The following RIMS2 variants were observed in gnomAD, a reference collection of about 807,000 sequenced individuals.
RIMS2 encodes the protein regulating synaptic membrane exocytosis 2.
In RIMS2, 59 loss-of-function variants were observed where a neutral mutation model predicts 174.4. The observed-to-expected ratio is 0.34, with a 90% CI of 0.27 to 0.42. The LOEUF (loss-of-function observed/expected upper bound fraction) is 0.42, where lower values mean the gene tolerates loss of function less well. Among genes scored for constraint, RIMS2 ranks in the 10% least tolerant of loss-of-function variants. RIMS2 has a pLI of 1.00. For synonymous variants in RIMS2, 606 were observed against 572.5 expected, an observed-to-expected ratio of 1.06 and a Z score of -0.84; for missense variants, 1,620 against 1,666.3, an observed-to-expected ratio of 0.97 and a Z score of 0.48.
chr8:103,744,652 G>A (rs1309534027), intron 2 of RIMS2, among the ~76,000 whole-genome samples: 1 of 152,152 alleles, frequency 6.6e-6, no homozygotes, highest in Non-Finnish European at 1.5e-5. Context: ...TGCATCCTGT[G>A]CCTCTATGCC....
At chr8:103,646,015 C>T (rs941953200) in intron 1 of RIMS2, among the ~76,000 whole-genome samples, 2 of 151,828 alleles carry the variant, frequency 1.3e-5, no homozygotes, top group African/African-American at 4.8e-5. Context: ...AGGAAAATTA[C>T]AGTCAAAGGG....
At position 104,206,320 on chromosome 8, in the gene RIMS2, C is replaced by G. The variant is rs962179382; in HGVS notation, c.3335-38596C>G. Among the ~76,000 whole-genome samples the G allele has an allele frequency of 1.3e-5, 2 of 152,082 alleles. 1 individual carries two copies. Among genetic ancestry groups the G allele is most frequent in the Non-Finnish European group, 2.9e-5 (2 of 68,014 alleles). On this transcript the variant is annotated intron_variant, in intron 19 of 23. Coordinates refer to ENST00000504942, the Ensembl canonical transcript of RIMS2. ...GTCTGAATTATAGTTAATATAAATT[C>G]GTATCTCTCTGAACTTTAGAAACAA...
At chr8:103,594,108 G>A (rs879919698) in intron 1 of RIMS2, among the ~76,000 whole-genome samples, 5 of 151,586 alleles carry the variant, frequency 3.3e-5, no homozygotes, top group Non-Finnish European at 5.9e-5. Context: ...ATTTTTGGGC[G>A]TGTACATGTG....
At chr8:103,707,186 G>A (rs1017113592) in intron 2 of RIMS2, among the ~76,000 whole-genome samples, 2 of 152,028 alleles carry the variant, frequency 1.3e-5, no homozygotes, top group Non-Finnish European at 2.9e-5. Flanking sequence ...GTGATTTCTT[G>A]AAGTTCATTG....
chr8:103,715,374 C>T (rs2097355831), intron 2 of RIMS2, among the ~76,000 whole-genome samples: 1 of 152,070 alleles, frequency 6.6e-6, no homozygotes, highest in Non-Finnish European at 1.5e-5. Context: ...TGTTGTTCCC[C>T]TCCCTGTGTC....
intron 1 of RIMS2, among the ~76,000 whole-genome samples, chr8:103,555,212 G>T (rs1849858231): frequency 1.3e-5 from 2 of 152,176 alleles, no homozygotes; most frequent in South Asian, 2.1e-4. Context: ...CAAAGGACCT[G>T]AATAGAAATT....
chr8:103,566,596 C>T (rs1166614086), intron 1 of RIMS2, among the ~76,000 whole-genome samples: 1 of 152,150 alleles, frequency 6.6e-6, no homozygotes, highest in Non-Finnish European at 1.5e-5. Flanking sequence ...TTACTTCTCC[C>T]AGGATAGAAA....
chr8:103,533,553 A>G (rs1838260648), intron 1 of RIMS2, among the ~76,000 whole-genome samples: 1 of 150,656 alleles, frequency 6.6e-6, no homozygotes, highest in South Asian at 2.1e-4. Context: ...CTGATAAAAC[A>G]TGGGAGGCTG....
Position 103,899,972 on chromosome 8 carries a change from A to T in RIMS2, c.1625-10162A>T, listed in dbSNP as rs531570899. ...GTTTTCCCAGCACCATTTGTTAAAT[A>T]GGGAATCCTTTCCACATTTCTTGTT... On this transcript the variant is annotated intron_variant, in intron 4 of 23. Transcript: ENST00000504942. Among the ~76,000 whole-genome samples, 145 of 151,862 alleles carry T rather than the reference A, an allele frequency of 9.5e-4. 4 individuals carry two copies. The highest frequency in any genetic ancestry group is 3.4e-3 in the African/African-American group (139 of 41,130).
rs185735247 is a variant in RIMS2 at position 104,175,982 on chromosome 8, C to T, written c.3335-68934C>T. On this transcript the variant is annotated intron_variant, in intron 19 of 23. Transcript: ENST00000504942. ...CTATATAGTAGGATGTGGCTATGTC[C>T]GAAACTAGTCCTACCCAACTTCTCA... 2.0e-4 allele frequency among the ~76,000 whole-genome samples: 30 copies of T among 152,106 alleles called. No homozygotes were observed. The East Asian group carries it at 3.1e-3, about 16-fold the overall frequency.
intron 3 of RIMS2, among the ~76,000 whole-genome samples, chr8:103,858,123 C>G (rs1692748): frequency 5.3e-5 from 8 of 152,146 alleles, no homozygotes; most frequent in African/African-American, 1.9e-4. Flanking sequence ...TATAGATTTT[C>G]TAGGACTTGC....
At chr8:103,716,848 C>T (rs149408547) in intron 2 of RIMS2, among the ~76,000 whole-genome samples, 1,911 of 151,944 alleles carry the variant, frequency 0.013, 12 homozygotes, top group Middle Eastern at 0.027. Context: ...ACCTTATTAT[C>T]TTCATGTTAA....
chr8:103,519,094 A>C (rs1830420002), intron 1 of RIMS2, among the ~76,000 whole-genome samples: 1 of 152,038 alleles, frequency 6.6e-6, no homozygotes, highest in Non-Finnish European at 1.5e-5. Flanking sequence ...AGTTATAATA[A>C]AATTTTTACT....
intron 1 of RIMS2, among the ~76,000 whole-genome samples, chr8:103,688,464 G>A (rs2136979789): frequency 6.6e-6 from 1 of 152,080 alleles, no homozygotes; most frequent in East Asian, 1.9e-4. Flanking sequence ...TGATCATGGT[G>A]GATGATCCTT....
intron 1 of RIMS2, among the ~76,000 whole-genome samples, chr8:103,648,503 T>A (rs1448605239): frequency 6.6e-6 from 1 of 152,184 alleles, no homozygotes. Flanking sequence ...CCTTGGTAGT[T>A]TTCTGTCTCG....
chr8:103,588,013 A>T (rs2133176806), intron 1 of RIMS2, among the ~76,000 whole-genome samples: 1 of 152,122 alleles, frequency 6.6e-6, no homozygotes, highest in Non-Finnish European at 1.5e-5. Context: ...AAACCTAAAG[A>T]CTCCACAAGA....
At chr8:103,603,141 T>A (rs1272286717) in intron 1 of RIMS2, among the ~76,000 whole-genome samples, 1 of 89,254 alleles carries the variant, frequency 1.1e-5, no homozygotes, top group Non-Finnish European at 2.1e-5. Context: ...GTGCTATCCC[T>A]CCCCCCTCCC....
At chr8:103,715,589 T>C (rs1393920183) in intron 2 of RIMS2, among the ~76,000 whole-genome samples, 1 of 152,240 alleles carries the variant, frequency 6.6e-6, no homozygotes, top group Non-Finnish European at 1.5e-5. Context: ...CTGTTATCGT[T>C]ACTTTATGTT....
chr8:104,250,076 G>A (rs2099354160), intron 22 of RIMS2, among the ~76,000 whole-genome samples: 1 of 152,146 alleles, frequency 6.6e-6, no homozygotes, highest in South Asian at 2.1e-4. Flanking sequence ...AGGAAAGAGA[G>A]GCACTATTAT....
Sources: allele counts gnomAD v4.1 joint callset (sites outside exome capture counted in the v4.1 genomes callset), GRCh38; gene constraint gnomAD v4.1.1; transcripts MANE v1.5; gene names NCBI Gene and HGNC (gene_info 2026-07-23, HGNC 2026-07-21).